NUAK1: variants seen among roughly 807,000 people sequenced by gnomAD.
NUAK1 encodes NUAK family SNF1-like kinase 1.
Under a neutral mutation model 56.9 loss-of-function variants are expected in NUAK1, and 26 were observed. The ratio of observed to expected loss-of-function variants is 0.46; its 90% CI spans 0.33 to 0.63. The LOEUF is 0.63. Among genes scored for constraint, NUAK1 ranks in the 30% least tolerant of loss-of-function variants. The pLI is 0.02. For missense variants in NUAK1, 727 were observed against 876.1 expected (o/e 0.83, Z 2.15); for synonymous variants, 337 against 336.0 (o/e 1.00, Z -0.03).
intron 2 of NUAK1, among the ~76,000 whole-genome samples, chr12:106,090,877 A>G (rs565687537): frequency 3.3e-5 from 5 of 152,306 alleles, no homozygotes; most frequent in Non-Finnish European, 7.4e-5. Flanking sequence ...ACAGAATCAC[A>G]GGATTTTCGA....
rs1022920336 is a variant in NUAK1, at chr12:106,067,470, C to T, written c.1318G>A (p.Val440Met). The T allele has an allele frequency of 5.0e-6, 8 of 1,614,048 alleles. No individual in the cohort carries two copies. Among genetic ancestry groups the T allele is most frequent in the Non-Finnish European group, 5.1e-6 (6 of 1,180,048 alleles). ...KMEQDLCRTG[V>M]LLPSSPEAEV... The stretch of plus-strand genomic sequence containing the variant: ...GCCTCTGGTGAGCTTGGGAGGAGCA[C>T]GCCAGTCCTGCACAAGTCCTGCTCC... The change falls in exon 7 of 7, where the codon GTG becomes ATG. Residue 440 changes from valine to methionine, a missense_variant. Physicochemically the swap from Val to Met is conservative, Grantham distance 21. Coordinates refer to ENST00000261402, the MANE Select transcript of NUAK1 (RefSeq NM_014840.3). This position sits in a 1 kb window ranked among gnomAD's most constrained non-coding sequence, Gnocchi z 6.0.
At chr12:106,096,314 A>C (rs954048698) in intron 2 of NUAK1, among the ~76,000 whole-genome samples, 8 of 152,266 alleles carry the variant, frequency 5.3e-5, no homozygotes, top group African/African-American at 1.9e-4. Flanking sequence ...CCTCTAGAAA[A>C]ATGACTTGGG....
intron 2 of NUAK1, among the ~76,000 whole-genome samples, chr12:106,103,588 T>G (rs1198270525): frequency 6.6e-6 from 1 of 152,112 alleles, no homozygotes; most frequent in Non-Finnish European, 1.5e-5. Flanking sequence ...ATGCCATACA[T>G]CTCCATGAAA....
In NUAK1 at chr12:106,138,067, A is replaced by G. The variant is rs2033145821; in HGVS notation, c.240+347T>C. Among the ~76,000 whole-genome samples, 1 of 152,190 alleles carries G rather than the reference A, an allele frequency of 6.6e-6. No homozygotes were observed. ...TTGTGGAAATAAGACGTTTCGGGGCATGGTCTAAATGAGTGCCTGCGAGGG... is the reference window on the plus strand; with the variant it reads ...TTGTGGAAATAAGACGTTTCGGGGCGTGGTCTAAATGAGTGCCTGCGAGGG... On this transcript the variant is annotated intron_variant, in intron 1 of 6. Transcript: ENST00000261402. The surrounding 1 kb of genome is among the most constrained non-coding windows in gnomAD (Gnocchi z 5.0).
chr12:106,092,043 A>AAAAT (rs1161233167), intron 2 of NUAK1, among the ~76,000 whole-genome samples: 6 of 152,064 alleles, frequency 3.9e-5, no homozygotes, highest in Non-Finnish European at 8.8e-5. Flanking sequence ...AACAAAAAAT[A>AAAAT]AAATAAATAA....
chr12:106,103,887 T>C (rs564386904), intron 2 of NUAK1, among the ~76,000 whole-genome samples: 1 of 152,294 alleles, frequency 6.6e-6, no homozygotes, highest in South Asian at 2.1e-4. Flanking sequence ...GAAGAGGGAA[T>C]GTTTGCTTCC....
rs565822947 is a variant in NUAK1 at position 106,070,237 on chromosome 12, C to T, written c.832+537G>A. 3.0e-4 allele frequency among the ~76,000 whole-genome samples: 46 copies of T among 152,280 alleles called. No homozygotes were observed. The South Asian group carries it at 9.3e-3, about 31-fold the overall frequency. ...GGAAGGCCATAAGAGCACTTCCCAA[C>T]CCACAGGGGTGAAAGAGATGATTTC... On this transcript the variant is annotated intron_variant, in intron 6 of 6. Transcript: ENST00000261402.
At chr12:106,132,651 G>T (rs1012793863) in intron 1 of NUAK1, among the ~76,000 whole-genome samples, 1 of 152,172 alleles carries the variant, frequency 6.6e-6, no homozygotes. Flanking sequence ...TCCAGGTGAA[G>T]AGCTCCCTGA....
intron 1 of NUAK1, among the ~76,000 whole-genome samples, chr12:106,130,818 A>G (rs147932159): frequency 8.9e-4 from 135 of 152,254 alleles, no homozygotes; most frequent in African/African-American, 3.0e-3. Flanking sequence ...GGCTGCATCT[A>G]TTGTGTACCT....
intron 1 of NUAK1, among the ~76,000 whole-genome samples, chr12:106,123,011 C>T (rs1258157329): frequency 6.6e-6 from 1 of 152,210 alleles, no homozygotes; most frequent in African/African-American, 2.4e-5. Context: ...GAATCCATTA[C>T]ATGGTTTCAC....
chr12:106,121,283 A>C lies in NUAK1; in HGVS notation c.241-14758T>G, dbSNP rs181788755. Among the ~76,000 whole-genome samples the C allele has an allele frequency of 1.1e-4, 16 of 152,298 alleles. No homozygotes were observed. In the East Asian group the frequency reaches 2.3e-3, roughly 22 times the overall value. ...AGTTGCTGTGAAGACGGTACAAGAT[A>C]ATGTATGTAAACTGCATCACTTAGT... is the stretch of plus-strand genomic sequence containing the variant. On this transcript the variant is annotated intron_variant, in intron 1 of 6. Transcript: ENST00000261402.
intron 1 of NUAK1, among the ~76,000 whole-genome samples, chr12:106,113,421 T>C (rs956697063): frequency 6.6e-6 from 1 of 152,074 alleles, no homozygotes; most frequent in Admixed American, 6.6e-5. Context: ...GCAGATCACC[T>C]GCCTCCGATC....
chr12:106,077,212 G>A (rs2032473108), intron 4 of NUAK1, among the ~76,000 whole-genome samples: 1 of 152,232 alleles, frequency 6.6e-6, no homozygotes, highest in Admixed American at 6.5e-5. Flanking sequence ...TTGGGTCCAG[G>A]AGAACCTGGG....
intron 2 of NUAK1, among the ~76,000 whole-genome samples, chr12:106,094,290 G>A (rs556497264): frequency 3.9e-5 from 6 of 152,114 alleles, no homozygotes; most frequent in African/African-American, 9.7e-5. Flanking sequence ...ATCTCGGACC[G>A]GAGTACCTTT....
chr12:106,129,143 T>C (rs1206144037), intron 1 of NUAK1, among the ~76,000 whole-genome samples: 5 of 151,236 alleles, frequency 3.3e-5, no homozygotes, highest in African/African-American at 1.2e-4. Context: ...CCTCCAAGAG[T>C]GGGAAATGGG....
chr12:106,123,385 G>A (rs1425013995), intron 1 of NUAK1, among the ~76,000 whole-genome samples: 2 of 152,108 alleles, frequency 1.3e-5, no homozygotes, highest in Non-Finnish European at 2.9e-5. Context: ...AGCCACATGG[G>A]GCTACTGGGC....
rs776844714 is a variant in NUAK1, at chr12:106,066,990, T to C, written c.1798A>G (p.Ser600Gly). The C allele has an allele frequency of 6.2e-7, 1 of 1,614,242 alleles. No individual in the cohort carries two copies. Among genetic ancestry groups the C allele is most frequent in the Non-Finnish European group, 8.5e-7 (1 of 1,180,044 alleles). ...AGGAAGTTTTCTGCAGAGACGCAGC[T>C]GCGGATGCGCTGGCGGGCAGGGCGA... ...ENRPARQRIR[S>G]CVSAENFLQI... is the part of the protein sequence containing the mutation. Residue 600 changes from serine to glycine, a missense_variant, in exon 7 of 7, where the codon AGC (serine) becomes GGC (glycine). Ser to Gly is a moderately conservative substitution (Grantham distance 56, BLOSUM62 0). Coordinates refer to ENST00000261402, the MANE Select transcript of NUAK1 (RefSeq NM_014840.3).
intron 4 of NUAK1, among the ~76,000 whole-genome samples, chr12:106,080,486 C>A (rs1442117564): frequency 6.6e-6 from 1 of 152,200 alleles, no homozygotes; most frequent in Non-Finnish European, 1.5e-5. Context: ...AGTAGACATG[C>A]TTCCAGAGTA....
intron 4 of NUAK1, among the ~76,000 whole-genome samples, chr12:106,082,927 C>T (rs149959983): frequency 3.3e-3 from 510 of 152,316 alleles, no homozygotes; most frequent in Non-Finnish European, 5.1e-3. Context: ...AATTGGAGGG[C>T]TCCTGCTGGT....
Sources: allele counts gnomAD v4.1 joint callset (sites outside exome capture counted in the v4.1 genomes callset), GRCh38; gene constraint gnomAD v4.1.1; non-coding constraint Gnocchi (gnomAD v3.1); transcripts MANE v1.5; gene names NCBI Gene and HGNC (gene_info 2026-07-23, HGNC 2026-07-21).